CCDC73: variants seen among roughly 807,000 people sequenced by gnomAD.
CCDC73 encodes coiled-coil domain-containing protein 73.
In CCDC73, 95 loss-of-function variants were observed where a neutral mutation model predicts 116.5. The observed-to-expected ratio is 0.82, with a 90% CI of 0.69 to 0.97. The LOEUF (loss-of-function observed/expected upper bound fraction) is 0.97. Among genes scored for constraint, CCDC73 ranks in the 50% least tolerant of loss-of-function variants. The probability of loss-of-function intolerance (pLI) is 0.00; values close to 1 mark genes in which losing one functional copy is unlikely to be tolerated. For missense variants in CCDC73, 1,066 were observed against 1,206.8 expected (o/e 0.88, Z 1.73); for synonymous variants, 398 against 401.3 (o/e 0.99, Z 0.10).
In CCDC73 at chr11:32,654,276, C is replaced by T. The variant is rs552802887; in HGVS notation, c.775-239G>A. Among the ~76,000 whole-genome samples, 117 of 152,274 alleles carry T rather than the reference C, an allele frequency of 7.7e-4. 2 individuals are homozygous for T. Among genetic ancestry groups the T allele is most frequent in the Admixed American group, 3.3e-3 (50 of 15,290 alleles). ...GCAACCTCCACCTCTTGGGTTCAAGCGGATTCCATGCCTCATCCTCCCAAG... is the reference window on the plus strand; with the variant it reads ...GCAACCTCCACCTCTTGGGTTCAAGTGGATTCCATGCCTCATCCTCCCAAG... On this transcript the variant is annotated intron_variant, in intron 10 of 17. Transcript: ENST00000335185.
At chr11:32,773,288 G>A (rs556122562) in intron 1 of CCDC73, among the ~76,000 whole-genome samples, 9 of 152,224 alleles carry the variant, frequency 5.9e-5, no homozygotes, top group Admixed American at 2.0e-4. Context: ...GATTGCAGGG[G>A]AATAGTGAAT....
the CCDC73 span, chr11:32,830,394 G>T: frequency 1.0e-6 from 1 of 966,272 alleles, no homozygotes; most frequent in South Asian, 3.1e-5. Flanking sequence ...CCGCGCGCCG[G>T]GCGCTCTTGC....
At chr11:32,739,609 T>G (rs182764604) in intron 2 of CCDC73, among the ~76,000 whole-genome samples, 1 of 152,212 alleles carries the variant, frequency 6.6e-6, no homozygotes, top group East Asian at 1.9e-4. Flanking sequence ...AATCTTTAGG[T>G]TTTTCCAAAT....
At chr11:32,779,044 A>T (rs1185031709) in intron 1 of CCDC73, among the ~76,000 whole-genome samples, 2 of 152,124 alleles carry the variant, frequency 1.3e-5, no homozygotes, top group Non-Finnish European at 2.9e-5. Flanking sequence ...GTGCTAGGAC[A>T]ATGTTCCATG....
intron 3 of CCDC73, among the ~76,000 whole-genome samples, chr11:32,712,671 A>G (rs1042088808): frequency 6.6e-6 from 1 of 151,970 alleles, no homozygotes; most frequent in Non-Finnish European, 1.5e-5. Flanking sequence ...CTATTTGACA[A>G]TTGCCCCCTA....
chr11:32,649,943 T>G (rs1855811973), intron 12 of CCDC73, among the ~76,000 whole-genome samples: 1 of 152,186 alleles, frequency 6.6e-6, no homozygotes, highest in Non-Finnish European at 1.5e-5. Flanking sequence ...CTAGCTTCTC[T>G]ATATACTATC....
the CCDC73 span, among the ~76,000 whole-genome samples, chr11:32,815,973 G>T: frequency 6.6e-6 from 1 of 152,198 alleles, no homozygotes; most frequent in South Asian, 2.1e-4. Context: ...TTTGGAGGCA[G>T]TGCTAATAGA....
intron 7 of CCDC73, 53 bp downstream of exon 7, chr11:32,683,483 T>TC: frequency 8.8e-7 from 1 of 1,134,662 alleles, no homozygotes; most frequent in East Asian, 2.4e-5. Flanking sequence ...AAAACACCAA[T>TC]CCCCCTAAGT....
intron 6 of CCDC73, among the ~76,000 whole-genome samples, chr11:32,690,103 G>T (rs547180975): frequency 6.6e-6 from 1 of 152,164 alleles, no homozygotes; most frequent in East Asian, 1.9e-4. Flanking sequence ...TATCTTCTTA[G>T]GAGTTTGAAA....
At chr11:32,794,131 G>A (rs1850701785) in intron 1 of CCDC73, among the ~76,000 whole-genome samples, 1 of 152,056 alleles carries the variant, frequency 6.6e-6, no homozygotes, top group African/African-American at 2.4e-5. Flanking sequence ...AAAAAGTAAC[G>A]TTCACCAAAG....
chr11:32,770,511 TG>T (rs1850483868), intron 1 of CCDC73, among the ~76,000 whole-genome samples: 1 of 152,166 alleles, frequency 6.6e-6, no homozygotes, highest in African/African-American at 2.4e-5. Flanking sequence ...GAGGTTCTTG[TG>T]TTTCTAGAAC....
chr11:32,636,984 C>G (rs2133244358), intron 13 of CCDC73, among the ~76,000 whole-genome samples: 1 of 151,496 alleles, frequency 6.6e-6, no homozygotes, highest in South Asian at 2.1e-4. Context: ...CCTCCTTGAC[C>G]CAGTTCCTCT....
chr11:32,653,093 TAGAC>T lies in CCDC73; in HGVS notation c.939+26_939+29del, dbSNP rs753077568. 267 of 1,273,500 alleles carry T rather than the reference TAGAC, an allele frequency of 2.1e-4. 1 individual carries two copies. The highest frequency in any genetic ancestry group is 8.3e-4 in the South Asian group (67 of 80,884). The allele number at this position is 1,273,500 out of a possible 1,614,324, so 78.9% of individuals were successfully genotyped here. ...GAAAATATACTAAAACACAGATAGA[TAGAC>T]AGACAGACAGACAGATAGAACGAAC... On this transcript the variant is annotated intron_variant, in intron 12 of 17. Transcript: ENST00000335185.
intron 2 of CCDC73, among the ~76,000 whole-genome samples, chr11:32,736,976 A>G (rs1850136785): frequency 6.7e-6 from 1 of 149,602 alleles, no homozygotes; most frequent in Non-Finnish European, 1.5e-5. Context: ...ATATATATAC[A>G]TATATATGTA....
At chr11:32,722,544 T>C (rs10835958) in intron 2 of CCDC73, among the ~76,000 whole-genome samples, 86,288 of 152,042 alleles carry the variant, frequency 0.57, 24,924 homozygotes, top group East Asian at 0.84. Flanking sequence ...TACTACAAGA[T>C]ACATAAATGA....
At chr11:32,685,348 T>C (rs568883951) in intron 6 of CCDC73, among the ~76,000 whole-genome samples, 1 of 149,980 alleles carries the variant, frequency 6.7e-6, no homozygotes, top group East Asian at 2.0e-4. Context: ...ATATATAGTA[T>C]ATTAGATATT....
rs200620163 is a variant in CCDC73, at chr11:32,759,185, GT to G, written c.135+923del. Among the ~76,000 whole-genome samples, 1,148 of 149,720 alleles carry G rather than the reference GT, an allele frequency of 7.7e-3. 19 individuals are homozygous for G. Among genetic ancestry groups the G allele is most frequent in the African/African-American group, 0.027 (1,080 of 39,924 alleles). On this transcript the variant is annotated intron_variant, in intron 2 of 17. Coordinates refer to ENST00000335185, the MANE Select transcript of CCDC73 (RefSeq NM_001008391.4). The stretch of plus-strand genomic sequence containing the variant: ...ATATCCTTATTGCAATAGTTTTATG[GT>G]TTTTTTTCTCTCGAGAATCTTCCAA...
intron 14 of CCDC73, among the ~76,000 whole-genome samples, chr11:32,626,867 A>C (rs948769155): frequency 6.7e-4 from 102 of 152,242 alleles, no homozygotes; most frequent in Non-Finnish European, 1.3e-3. Flanking sequence ...AAACCATAAA[A>C]ACTCTAGAAG....
chr11:32,803,811 T>A, the CCDC73 span, among the ~76,000 whole-genome samples: 1 of 152,294 alleles, frequency 6.6e-6, no homozygotes, highest in Middle Eastern at 3.4e-3. Context: ...TTTGTTTGTT[T>A]GTTTGTTTGT....
Sources: allele counts gnomAD v4.1 joint callset (sites outside exome capture counted in the v4.1 genomes callset), GRCh38; gene constraint gnomAD v4.1.1; transcripts MANE v1.5; gene names NCBI Gene and HGNC (gene_info 2026-07-23, HGNC 2026-07-21).